DAB1: variants seen among roughly 807,000 people sequenced by gnomAD.
DAB1 encodes the protein disabled homolog 1.
A neutral mutation model predicts 64.6 loss-of-function variants in DAB1; 15 were observed. That is an observed-to-expected ratio of 0.23 (90% CI 0.16 to 0.36). The LOEUF (loss-of-function observed/expected upper bound fraction) is 0.36, where lower values mean the gene tolerates loss of function less well. Among genes scored for constraint, DAB1 ranks in the 10% least tolerant of loss-of-function variants. The probability of loss-of-function intolerance (pLI) is 1.00; values close to 1 mark genes in which losing one functional copy is unlikely to be tolerated. For missense variants in DAB1, 596 were observed against 706.7 expected, an observed-to-expected ratio of 0.84 and a Z score of 1.78; for synonymous variants, 235 against 251.9, an observed-to-expected ratio of 0.93 and a Z score of 0.64.
intron 5 of DAB1, among the ~76,000 whole-genome samples, chr1:58,009,123 T>A (rs1476156039): frequency 6.6e-6 from 1 of 152,174 alleles, no homozygotes; most frequent in Non-Finnish European, 1.5e-5. Context: ...TTCTTTAATT[T>A]CAAGCCTAGA....
chr1:57,841,113 T>C (rs1279270612), intron 1 of DAB1, among the ~76,000 whole-genome samples: 2 of 152,224 alleles, frequency 1.3e-5, no homozygotes, highest in Admixed American at 6.5e-5. Context: ...ACAAATGGGC[T>C]ACAGGCCCCA....
intron 6 of DAB1, among the ~76,000 whole-genome samples, chr1:57,718,012 G>A (rs1647105295): frequency 6.6e-6 from 1 of 152,084 alleles, no homozygotes; most frequent in Admixed American, 6.6e-5. Context: ...CAGATAGATA[G>A]GAAGAACAAG....
intron 3 of DAB1, among the ~76,000 whole-genome samples, chr1:58,390,658 T>A (rs576753622): frequency 2.0e-5 from 3 of 152,318 alleles, no homozygotes; most frequent in African/African-American, 7.2e-5. Flanking sequence ...ATGTTCACAT[T>A]TGTAATAATT....
chr1:57,855,450 G>A (rs893923961), intron 1 of DAB1, among the ~76,000 whole-genome samples: 1 of 152,146 alleles, frequency 6.6e-6, no homozygotes, highest in African/African-American at 2.4e-5. Context: ...ATAATGGATG[G>A]TAAAGATAGA....
At chr1:57,793,101 T>C (rs1312413346) in intron 6 of DAB1, among the ~76,000 whole-genome samples, 3 of 152,232 alleles carry the variant, frequency 2.0e-5, no homozygotes, top group Admixed American at 1.3e-4. Flanking sequence ...AGAAATTTGC[T>C]GGTGAATTCA....
At chr1:57,342,066 GACAGGGTTAAGTTACTGACTTAT>G (rs1677634214) in intron 1 of DAB1, among the ~76,000 whole-genome samples, 1 of 152,226 alleles carries the variant, frequency 6.6e-6, no homozygotes, top group South Asian at 2.1e-4. Context: ...AGGAAATTGA[GACAGGGTTAAGTTACTGACTTAT>G]ACATAGTTTG....
chr1:58,063,898 T>G (rs1473687664), intron 5 of DAB1, among the ~76,000 whole-genome samples: 1 of 152,134 alleles, frequency 6.6e-6, no homozygotes, highest in Non-Finnish European at 1.5e-5. Context: ...AATAACTGAT[T>G]CCCAGTGAGA....
At chr1:57,090,508 T>C (rs902874446) in intron 4 of DAB1, among the ~76,000 whole-genome samples, 2 of 152,128 alleles carry the variant, frequency 1.3e-5, no homozygotes, top group South Asian at 2.1e-4. Context: ...GTCTGATGCT[T>C]TTCTTATAGG....
chr1:58,224,142 G>A (rs866910810), intron 4 of DAB1, among the ~76,000 whole-genome samples: 10 of 152,292 alleles, frequency 6.6e-5, no homozygotes, highest in Middle Eastern at 3.4e-3. Context: ...AGACAAACCA[G>A]GTTCAAATCC....
chr1:57,213,389 A>G (rs535863331), intron 2 of DAB1, among the ~76,000 whole-genome samples: 48 of 152,298 alleles, frequency 3.2e-4, no homozygotes, highest in Admixed American at 3.1e-3. Context: ...CTGGTGCTCA[A>G]CAGCCACATG....
intron 5 of DAB1, chr1:58,048,293 C>A (rs2100520294): frequency 6.4e-6 from 8 of 1,252,096 alleles, no homozygotes; most frequent in Admixed American, 1.7e-5. Flanking sequence ...GCTTCTGCCT[C>A]CAAAATCTCC....
intron 3 of DAB1, among the ~76,000 whole-genome samples, chr1:58,356,504 G>A (rs1051066882): frequency 7.9e-5 from 12 of 152,080 alleles, no homozygotes; most frequent in African/African-American, 2.9e-4. Context: ...ATTAAGAAAG[G>A]CTATTTTAAG....
intron 5 of DAB1, among the ~76,000 whole-genome samples, chr1:58,082,867 G>A (rs1302127160): frequency 6.6e-6 from 1 of 152,136 alleles, no homozygotes; most frequent in African/African-American, 2.4e-5. Flanking sequence ...TGGGATTAGT[G>A]GGATTATTGC....
intron 2 of DAB1, among the ~76,000 whole-genome samples, chr1:57,259,423 T>G (rs970664315): frequency 3.9e-5 from 6 of 152,116 alleles, no homozygotes; most frequent in Non-Finnish European, 5.9e-5. Flanking sequence ...GGGCATAGGA[T>G]TCTAGTATGA....
At chr1:57,636,726 C>T (rs1379836723) in intron 7 of DAB1, among the ~76,000 whole-genome samples, 2 of 152,092 alleles carry the variant, frequency 1.3e-5, no homozygotes, top group African/African-American at 2.4e-5. Flanking sequence ...ACCAGAGTTG[C>T]CATTCACTAA....
intron 4 of DAB1, among the ~76,000 whole-genome samples, chr1:58,298,071 T>G (rs1662034121): frequency 6.6e-6 from 1 of 152,218 alleles, no homozygotes; most frequent in Admixed American, 6.5e-5. Flanking sequence ...CATTTTAAAT[T>G]ATTGAAATGT....
At chr1:57,466,623 A>T (rs72909285) in intron 7 of DAB1, among the ~76,000 whole-genome samples, 9,162 of 152,238 alleles carry the variant, frequency 0.06, 874 homozygotes, top group African/African-American at 0.2. Context: ...GACCAGACTA[A>T]AGTATCTGCT....
intron 4 of DAB1, among the ~76,000 whole-genome samples, chr1:58,214,037 C>T (rs867612163): frequency 6.6e-6 from 1 of 152,304 alleles, no homozygotes. Flanking sequence ...TGTCACCCTC[C>T]AGGTTAAAAC....
chr1:57,746,698 A>G lies in DAB1; in HGVS notation n.552-97033T>C, dbSNP rs374398999. On this transcript the variant is annotated intron_variant and non_coding_transcript_variant, in intron 6 of 20. Coordinates refer to the DAB1 transcript ENST00000485760. ...ACTTTAAATTATCTCTAGATTACTTATAAGATCTAATACAATGTAAATGCT... is the reference window on the plus strand; with the variant it reads ...ACTTTAAATTATCTCTAGATTACTTGTAAGATCTAATACAATGTAAATGCT... Among the ~76,000 whole-genome samples the G allele has an allele frequency of 1.6e-4, 25 of 152,202 alleles. No homozygotes were observed. The East Asian group carries it at 1.9e-3, about 12-fold the overall frequency.
Sources: gnomAD v4.1 joint callset for allele counts (sites outside exome capture counted in the v4.1 genomes callset) on GRCh38, gnomAD v4.1.1 for gene constraint, MANE v1.5 for transcripts, NCBI Gene and HGNC (gene_info 2026-07-23, HGNC 2026-07-21) for gene names.